Variants in GRHL2 observed in about 807,000 individuals in gnomAD.
The protein encoded by GRHL2 is grainyhead like transcription factor 2, also known as grainyhead-like protein 2 homolog.
GRHL2 carries 21 observed loss-of-function variants against 83.8 expected under a neutral mutation model. The ratio of observed to expected loss-of-function variants is 0.25; its 90% confidence interval spans 0.18 to 0.36. The LOEUF (loss-of-function observed/expected upper bound fraction) is 0.36. GRHL2 is among the 10% of genes least tolerant of loss of function. GRHL2 has a pLI of 1.00. For missense variants in GRHL2, 623 were observed against 781.8 expected (o/e 0.80, Z 2.42); for synonymous variants, 280 against 278.9 (o/e 1.00, Z -0.04).
At chr8:101,592,456 C>A (rs1212468042) in intron 7 of GRHL2, among the ~76,000 whole-genome samples, 1 of 152,156 alleles carries the variant, frequency 6.6e-6, no homozygotes, top group Non-Finnish European at 1.5e-5. Flanking sequence ...CCAAAATAAT[C>A]CAATAATGAA....
rs186978782 is a variant in GRHL2, at chr8:101,591,995, C to T, written c.1004-7062C>T. ...TCCTCCCATATTGGTATTTAGTCCTCCTAAGAAGGGAAATCTGAGAAACGA... is the reference window on the plus strand; with the variant it reads ...TCCTCCCATATTGGTATTTAGTCCTTCTAAGAAGGGAAATCTGAGAAACGA... On this transcript the variant is annotated intron_variant, in intron 7 of 15. Transcript: ENST00000646743. Among the ~76,000 whole-genome samples, 110 of 152,138 alleles carry T rather than the reference C, an allele frequency of 7.2e-4. 1 individual carries two copies. The highest frequency in any genetic ancestry group is 2.4e-3 in the African/African-American group (101 of 41,492).
At chr8:101,678,840 T>A in the GRHL2 span, among the ~76,000 whole-genome samples, 205 of 149,762 alleles carry the variant, frequency 1.4e-3, no homozygotes, top group African/African-American at 4.9e-3. Context: ...GGCAGGGTAT[T>A]CCAACAGACC....
chr8:101,559,506 G>A (rs2507796), intron 4 of GRHL2, among the ~76,000 whole-genome samples: 91,848 of 151,922 alleles, frequency 0.6, 29,929 homozygotes, highest in Non-Finnish European at 0.74. Flanking sequence ...CTCCAGCCTG[G>A]GTGACAAGAA....
chr8:101,651,807 T>C (rs548313772), intron 14 of GRHL2, among the ~76,000 whole-genome samples: 3 of 152,276 alleles, frequency 2.0e-5, no homozygotes, highest in East Asian at 1.9e-4. Context: ...TGGTCAGATG[T>C]CTTATGGCAA....
chr8:101,549,230 A>G (rs1811329244), intron 2 of GRHL2, among the ~76,000 whole-genome samples: 2 of 152,172 alleles, frequency 1.3e-5, no homozygotes, highest in Non-Finnish European at 2.9e-5. Flanking sequence ...GGTCGTAGAT[A>G]TAGTTGGCCC....
At chr8:101,517,590 C>G (rs1446509946) in intron 1 of GRHL2, among the ~76,000 whole-genome samples, 1 of 152,226 alleles carries the variant, frequency 6.6e-6, no homozygotes, top group Non-Finnish European at 1.5e-5. Context: ...AATATTCCAA[C>G]AGTTGTTGGG....
intron 2 of GRHL2, among the ~76,000 whole-genome samples, chr8:101,547,456 G>T (rs1158331021): frequency 6.6e-6 from 1 of 152,182 alleles, no homozygotes; most frequent in Non-Finnish European, 1.5e-5. Context: ...GAGTTCATGA[G>T]CTACACGCAG....
chr8:101,546,843 G>A (rs941987250), intron 2 of GRHL2, among the ~76,000 whole-genome samples: 2 of 152,154 alleles, frequency 1.3e-5, no homozygotes, highest in African/African-American at 2.4e-5. Flanking sequence ...TCTTATGCTA[G>A]CATTTAAAGG....
downstream of GRHL2, among the ~76,000 whole-genome samples, chr8:101,672,208 G>T (rs530879568): frequency 1.3e-5 from 2 of 151,868 alleles, no homozygotes; most frequent in South Asian, 4.2e-4. Context: ...GATGGGGAAT[G>T]ACTTTGACGA....
chr8:101,577,090 G>A (rs1468073751), intron 6 of GRHL2, among the ~76,000 whole-genome samples: 1 of 152,072 alleles, frequency 6.6e-6, no homozygotes, highest in Non-Finnish European at 1.5e-5. Flanking sequence ...AAATTTGGGG[G>A]GGGTTTCTGC....
chr8:101,576,359 C>T (rs148858260), intron 6 of GRHL2, among the ~76,000 whole-genome samples: 1,575 of 150,280 alleles, frequency 0.01, 19 homozygotes, highest in South Asian at 0.026. Flanking sequence ...GGACTTCAGA[C>T]GTGCACCACC....
At chr8:101,506,107 T>C (rs1490234977) in intron 1 of GRHL2, among the ~76,000 whole-genome samples, 1 of 152,258 alleles carries the variant, frequency 6.6e-6, no homozygotes, top group African/African-American at 2.4e-5. Context: ...GCATATTTAA[T>C]GAATTATTTT....
chr8:101,617,852 A>T lies in GRHL2; in HGVS notation c.1099-1687A>T, dbSNP rs1812886865. On this transcript the variant is annotated intron_variant, in intron 8 of 15. Transcript: ENST00000646743. ...CGTTTCTCATGGTTTTGCTTCCTTG[A>T]GGGCTGCTCTCCATAGTGTCGCTGT... Among the ~76,000 whole-genome samples, 3 of 152,112 alleles carry T rather than the reference A, an allele frequency of 2.0e-5. No homozygotes were observed. The South Asian group carries it at 6.2e-4, about 32-fold the overall frequency.
intron 9 of GRHL2, among the ~76,000 whole-genome samples, chr8:101,631,084 AC>A (rs1307155397): frequency 6.6e-6 from 1 of 152,192 alleles, no homozygotes; most frequent in East Asian, 1.9e-4. Context: ...AAATATTAAA[AC>A]AAAAACAAAA....
chr8:101,552,870 A>G, intron 3 of GRHL2, 88 bp downstream of exon 3: 1 of 1,264,892 alleles, frequency 7.9e-7, no homozygotes, highest in Non-Finnish European at 1.1e-6. Flanking sequence ...TTGAGAGGAG[A>G]TGGGGTCAAG....
At chr8:101,680,935 A>G in the GRHL2 span, among the ~76,000 whole-genome samples, 1 of 123,600 alleles carries the variant, frequency 8.1e-6, no homozygotes, top group Non-Finnish European at 1.7e-5. Flanking sequence ...CAGTGTGTAG[A>G]GGGAAATTTA....
intron 13 of GRHL2, among the ~76,000 whole-genome samples, chr8:101,646,851 C>T (rs1451926825): frequency 2.6e-5 from 4 of 152,162 alleles, no homozygotes; most frequent in Admixed American, 1.3e-4. Context: ...AAGCTGGCTC[C>T]CTGGGAAAGC....
intron 14 of GRHL2, among the ~76,000 whole-genome samples, chr8:101,657,805 A>C (rs1174889094): frequency 6.6e-6 from 1 of 150,592 alleles, no homozygotes; most frequent in Non-Finnish European, 1.5e-5. Flanking sequence ...CCGCCACTGC[A>C]CTCTAGCCTG....
At chr8:101,603,953 G>A (rs1041687516) in intron 8 of GRHL2, among the ~76,000 whole-genome samples, 6 of 146,700 alleles carry the variant, frequency 4.1e-5, no homozygotes, top group Non-Finnish European at 5.9e-5. Context: ...CTAGATTCTA[G>A]GCCAGATTCT....
Sources: gnomAD v4.1 joint callset for allele counts (sites outside exome capture counted in the v4.1 genomes callset) on GRCh38, gnomAD v4.1.1 for gene constraint, MANE v1.5 for transcripts, NCBI Gene and HGNC (gene_info 2026-07-23, HGNC 2026-07-21) for gene names.